Variants in ANKRD30BL observed in about 807,000 individuals in gnomAD.
ANKRD30BL encodes the protein ankyrin repeat domain 30B like, also known as putative ankyrin repeat domain-containing protein 30B-like.
ANKRD30BL carries 20 observed loss-of-function variants against 18.4 expected under a neutral mutation model. The ratio of observed to expected loss-of-function variants is 1.09; its 90% CI spans 0.77 to 1.58. The LOEUF is 1.58. ANKRD30BL is among the 40% of genes most tolerant of loss of function. The pLI, the probability that ANKRD30BL is intolerant of heterozygous loss-of-function variation, is 0.00. For synonymous variants in ANKRD30BL, 72 were observed against 100.9 expected (o/e 0.71, Z 1.72); for missense variants, 224 against 268.6 (o/e 0.83, Z 1.16).
intron 1 of ANKRD30BL, among the ~76,000 whole-genome samples, chr2:132,204,789 A>G (rs1373820731): frequency 2.0e-5 from 3 of 152,204 alleles, no homozygotes; most frequent in Non-Finnish European, 4.4e-5. Context: ...GAGATGGGCA[A>G]TGCTTTAAAA....
intron 1 of ANKRD30BL, among the ~76,000 whole-genome samples, chr2:132,233,201 G>C (rs1302401728): frequency 4.0e-5 from 6 of 151,898 alleles, no homozygotes; most frequent in African/African-American, 1.2e-4. Flanking sequence ...AACATGGAAA[G>C]GAACAACCAG....
intron 1 of ANKRD30BL, among the ~76,000 whole-genome samples, chr2:132,178,047 T>C (rs1393576114): frequency 6.6e-6 from 1 of 152,198 alleles, no homozygotes; most frequent in Admixed American, 6.5e-5. Flanking sequence ...ACTTAAAATA[T>C]ATCAAGGCAA....
chr2:132,257,481 G>A, intron 1 of ANKRD30BL: 1 of 262,846 alleles, frequency 3.8e-6, no homozygotes, highest in Non-Finnish European at 7.4e-6. Context: ...GAGCTTCCCT[G>A]GGTCCCCACC....
In ANKRD30BL at chr2:132,175,330, C is replaced by A. The variant is rs191921180; in HGVS notation, n.442-18184G>T. 2.4e-3 allele frequency among the ~76,000 whole-genome samples: 367 copies of A among 152,150 alleles called. 2 individuals are homozygous for A. Among genetic ancestry groups the A allele is most frequent in the African/African-American group, 8.1e-3 (336 of 41,502 alleles). On this transcript the variant is annotated intron_variant and non_coding_transcript_variant, in intron 1 of 4. Coordinates refer to the ANKRD30BL transcript ENST00000470729. ...ATTAAGTTCAAGGGGAGGTACTATG[C>A]CTGGATGTGCACGTAGGCCAGATTT...
chr2:132,209,051 T>G (rs957803603), intron 1 of ANKRD30BL, among the ~76,000 whole-genome samples: 4 of 152,168 alleles, frequency 2.6e-5, no homozygotes, highest in African/African-American at 9.6e-5. Flanking sequence ...AACTCCTCTG[T>G]GATCTGTGCA....
intron 1 of ANKRD30BL, among the ~76,000 whole-genome samples, chr2:132,235,587 A>G (rs1310478070): frequency 6.6e-6 from 1 of 152,142 alleles, no homozygotes; most frequent in Non-Finnish European, 1.5e-5. Flanking sequence ...TCCCATTCAC[A>G]ATTGCTTCAA....
At chr2:132,238,114 T>C (rs566645680) in intron 1 of ANKRD30BL, among the ~76,000 whole-genome samples, 12 of 151,832 alleles carry the variant, frequency 7.9e-5, no homozygotes, top group African/African-American at 2.9e-4. Flanking sequence ...GAGACCTATG[T>C]TGAAAAAGGA....
At chr2:132,256,865 G>C (rs1573904729) in intron 1 of ANKRD30BL, 1 of 439,326 alleles carries the variant, frequency 2.3e-6, no homozygotes, top group Non-Finnish European at 4.6e-6. Flanking sequence ...GAGCCGCTCG[G>C]GGAGAGAGGA....
chr2:132,184,846 C>T (rs1479206595), intron 1 of ANKRD30BL, among the ~76,000 whole-genome samples: 1 of 150,710 alleles, frequency 6.6e-6, no homozygotes, highest in African/African-American at 2.4e-5. Flanking sequence ...TGGAGTCTAA[C>T]TCTGTCACCC....
At chr2:132,181,469 AAAG>A (rs1185794668) in intron 1 of ANKRD30BL, among the ~76,000 whole-genome samples, 7 of 151,922 alleles carry the variant, frequency 4.6e-5, no homozygotes, top group South Asian at 2.1e-4. Context: ...TTCAAAAAAA[AAAG>A]AAAGAAAGAA....
At chr2:132,237,910 C>A (rs1036224501) in intron 1 of ANKRD30BL, among the ~76,000 whole-genome samples, 4 of 151,716 alleles carry the variant, frequency 2.6e-5, no homozygotes, top group African/African-American at 9.7e-5. Flanking sequence ...GCAGAGTCTG[C>A]AAGAAGATAT....
intron 1 of ANKRD30BL, among the ~76,000 whole-genome samples, chr2:132,244,849 C>T (rs1380872888): frequency 6.6e-6 from 1 of 152,292 alleles, no homozygotes; most frequent in Non-Finnish European, 1.5e-5. Flanking sequence ...TTTCCTAGAG[C>T]AGTTTTGGAA....
At chr2:132,218,863 A>C (rs370321504) in intron 1 of ANKRD30BL, among the ~76,000 whole-genome samples, 2 of 152,074 alleles carry the variant, frequency 1.3e-5, no homozygotes, top group South Asian at 2.1e-4. Context: ...ACATTCAACT[A>C]ACAGAGTTAA....
chr2:132,151,304 T>C (rs1382684879), intron 4 of ANKRD30BL, among the ~76,000 whole-genome samples: 3 of 152,168 alleles, frequency 2.0e-5, no homozygotes, highest in Non-Finnish European at 4.4e-5. Flanking sequence ...AAGTTGCTTC[T>C]CTTAGACTCA....
chr2:132,243,413 A>G (rs1168627464), intron 1 of ANKRD30BL, among the ~76,000 whole-genome samples: 1 of 151,690 alleles, frequency 6.6e-6, no homozygotes, highest in Non-Finnish European at 1.5e-5. Context: ...AAGTAGACAG[A>G]AGAATTCTTA....
intron 1 of ANKRD30BL, among the ~76,000 whole-genome samples, chr2:132,245,845 T>C (rs1440613613): frequency 6.7e-6 from 1 of 149,186 alleles, no homozygotes; most frequent in African/African-American, 2.5e-5. Flanking sequence ...TTTGCATTCA[T>C]CTCCTAGAAT....
chr2:132,183,709 G>A (rs1022454778), intron 1 of ANKRD30BL, among the ~76,000 whole-genome samples: 7 of 151,978 alleles, frequency 4.6e-5, no homozygotes, highest in African/African-American at 1.4e-4. Flanking sequence ...ATGTGTATAC[G>A]TGTATATATG....
chr2:132,218,603 T>C (rs1679578116), intron 1 of ANKRD30BL, among the ~76,000 whole-genome samples: 1 of 152,390 alleles, frequency 6.6e-6, no homozygotes, highest in Non-Finnish European at 1.5e-5. Context: ...TGGAGCGCCT[T>C]GGGGCCTATG....
In ANKRD30BL at chr2:132,167,721, G is replaced by A. The variant is rs559367654; in HGVS notation, n.442-10575C>T. Among the ~76,000 whole-genome samples the A allele has an allele frequency of 1.9e-4, 29 of 152,102 alleles. No individual in the cohort carries two copies. In the East Asian group the frequency reaches 5.2e-3, roughly 27 times the overall value. On this transcript the variant is annotated intron_variant and non_coding_transcript_variant, in intron 1 of 4. Transcript: ENST00000470729. Reference sequence around the variant, plus strand: ...CTCATCACTTCTTTTAAAAATTTGCGGTGGTTTTCTTAGGATTGATTATAT... The same window carrying A: ...CTCATCACTTCTTTTAAAAATTTGCAGTGGTTTTCTTAGGATTGATTATAT...
Sources: gnomAD v4.1 joint callset for allele counts (sites outside exome capture counted in the v4.1 genomes callset) on GRCh38, gnomAD v4.1.1 for gene constraint, MANE v1.5 for transcripts, NCBI Gene and HGNC (gene_info 2026-07-23, HGNC 2026-07-21) for gene names.